SORT1: variants seen among roughly 807,000 people sequenced by gnomAD.
The protein encoded by SORT1 is sortilin 1.
In SORT1, 39 loss-of-function variants were observed where a neutral mutation model predicts 101.7. The ratio of observed to expected loss-of-function variants is 0.38; its 90% CI spans 0.30 to 0.50. The LOEUF (loss-of-function observed/expected upper bound fraction) is 0.50. Among genes scored for constraint, SORT1 ranks in the 20% least tolerant of loss-of-function variants. The pLI is 0.90. For synonymous variants in SORT1, 396 were observed against 393.7 expected (o/e 1.01, Z -0.07); for missense variants, 878 against 1,040.4 (o/e 0.84, Z 2.15).
intron 11 of SORT1, among the ~76,000 whole-genome samples, chr1:109,333,529 T>C (rs1466352318): frequency 6.6e-6 from 1 of 151,778 alleles, no homozygotes; most frequent in Non-Finnish European, 1.5e-5. Context: ...TTATAAGGGG[T>C]TAATATCCAA....
intron 3 of SORT1, among the ~76,000 whole-genome samples, chr1:109,363,507 A>G (rs2101618466): frequency 6.6e-6 from 1 of 152,368 alleles, no homozygotes; most frequent in South Asian, 2.1e-4. Context: ...ACACATATAC[A>G]TACATACACA....
At chr1:109,319,853 C>A (rs527904283) in intron 15 of SORT1, among the ~76,000 whole-genome samples, 4 of 148,982 alleles carry the variant, frequency 2.7e-5, no homozygotes, top group African/African-American at 4.9e-5. Context: ...GGCGACAGCA[C>A]GAGACTCCGT....
At chr1:109,369,673 C>T in intron 1 of SORT1, 84 bp from the exon 2 acceptor site, 1 of 903,724 alleles carries the variant, frequency 1.1e-6, no homozygotes, top group Non-Finnish European at 1.8e-6. Context: ...AACTTTATTA[C>T]TGTTCAGAGT....
intron 1 of SORT1, among the ~76,000 whole-genome samples, chr1:109,370,411 T>A (rs1473699713): frequency 6.6e-6 from 1 of 152,140 alleles, no homozygotes; most frequent in Non-Finnish European, 1.5e-5. Context: ...AGGTTAATAT[T>A]ATATGTATTA....
intron 7 of SORT1, 125 bp from the exon 8 acceptor site, chr1:109,346,006 T>C: frequency 6.1e-6 from 5 of 815,348 alleles, no homozygotes; most frequent in Middle Eastern, 2.6e-4. Flanking sequence ...GTTAATCAAG[T>C]GACAACATAA....
intron 4 of SORT1, among the ~76,000 whole-genome samples, chr1:109,355,152 T>C (rs751136371): frequency 4.6e-5 from 7 of 152,068 alleles, no homozygotes; most frequent in African/African-American, 7.2e-5. Context: ...GCCTGGAAGG[T>C]CAAGGCTGCA....
intron 13 of SORT1, chr1:109,326,709 G>A (rs1648101820): frequency 9.0e-6 from 2 of 221,928 alleles, no homozygotes; most frequent in Admixed American, 1.2e-4. Context: ...TCCTGCTTTG[G>A]CCTCCCAAAA....
intron 3 of SORT1, among the ~76,000 whole-genome samples, chr1:109,365,978 T>C (rs1044785369): frequency 6.6e-6 from 1 of 152,174 alleles, no homozygotes; most frequent in Non-Finnish European, 1.5e-5. Flanking sequence ...ATAAAGAACC[T>C]TGAGAAAGTA....
chr1:109,330,690 T>C (rs1000699140), intron 11 of SORT1, among the ~76,000 whole-genome samples: 11 of 151,892 alleles, frequency 7.2e-5, no homozygotes, highest in African/African-American at 2.7e-4. Flanking sequence ...TTAGAGTTGT[T>C]TTTTTTGACA....
intron 1 of SORT1, among the ~76,000 whole-genome samples, chr1:109,371,044 TG>T (rs1469233635): frequency 6.6e-6 from 1 of 152,270 alleles, no homozygotes; most frequent in African/African-American, 2.4e-5. Context: ...ATTTCCCCTC[TG>T]GACCGTAAGT....
chr1:109,392,290 G>A (rs762054895), intron 1 of SORT1, among the ~76,000 whole-genome samples: 1 of 152,132 alleles, frequency 6.6e-6, no homozygotes, highest in Non-Finnish European at 1.5e-5. Flanking sequence ...GTTGGGGAAC[G>A]CAGACTCTGC....
At chr1:109,337,817 G>A (rs1367870923) in intron 10 of SORT1, among the ~76,000 whole-genome samples, 1 of 151,990 alleles carries the variant, frequency 6.6e-6, no homozygotes, top group Non-Finnish European at 1.5e-5. Context: ...GTACAGACTG[G>A]GTTTCACCAT....
intron 3 of SORT1, among the ~76,000 whole-genome samples, chr1:109,359,865 T>C (rs1239441380): frequency 6.6e-6 from 1 of 152,106 alleles, no homozygotes; most frequent in Non-Finnish European, 1.5e-5. Context: ...CTAAATATCA[T>C]CTATATCAGA....
At chr1:109,359,238 C>T (rs1375974957) in intron 3 of SORT1, among the ~76,000 whole-genome samples, 3 of 152,056 alleles carry the variant, frequency 2.0e-5, no homozygotes, top group Non-Finnish European at 4.4e-5. Context: ...AGGGAGCTCT[C>T]GGGGTCTCTC....
chr1:109,318,089 G>A, intron 15 of SORT1, 120 bp from the exon 16 acceptor site: 1 of 618,746 alleles, frequency 1.6e-6, no homozygotes, highest in Non-Finnish European at 2.9e-6. Flanking sequence ...TTGTTAGAAA[G>A]TAGCTCAGGA....
chr1:109,397,466 C>T (rs1438020620), intron 1 of SORT1, 121 bp downstream of exon 1: 1 of 670,842 alleles, frequency 1.5e-6, no homozygotes, highest in South Asian at 6.6e-5. Flanking sequence ...GGCTGCGGCC[C>T]GGGGGACGCG....
At chr1:109,340,264 G>A (rs1649122626) in intron 10 of SORT1, among the ~76,000 whole-genome samples, 1 of 152,012 alleles carries the variant, frequency 6.6e-6, no homozygotes, top group South Asian at 2.1e-4. Flanking sequence ...CAATGTGGCT[G>A]AACTTTGAAA....
chr1:109,346,140 T>C (rs1307433118), intron 7 of SORT1, among the ~76,000 whole-genome samples: 1 of 151,436 alleles, frequency 6.6e-6, no homozygotes, highest in African/African-American at 2.4e-5. Flanking sequence ...TGAAACCCCA[T>C]CTGTACTAAA....
At chr1:109,386,097 A>G (rs113303004) in intron 1 of SORT1, among the ~76,000 whole-genome samples, 308 of 152,348 alleles carry the variant, frequency 2.0e-3, no homozygotes, top group African/African-American at 7.0e-3. Context: ...CTGTTAATTT[A>G]TAAAGAAAGC....
Sources: allele counts gnomAD v4.1 joint callset (sites outside exome capture counted in the v4.1 genomes callset), GRCh38; gene constraint gnomAD v4.1.1; transcripts MANE v1.5; gene names NCBI Gene and HGNC (gene_info 2026-07-23, HGNC 2026-07-21).